MED16: variants seen among roughly 807,000 people sequenced by gnomAD.
MED16 encodes the protein mediator of RNA polymerase II transcription subunit 16.
A neutral mutation model predicts 84.4 loss-of-function variants in MED16; 81 were observed. The ratio of observed to expected loss-of-function variants is 0.96; its 90% confidence interval spans 0.80 to 1.15. MED16 has a LOEUF of 1.15. Among genes scored for constraint, MED16 ranks in the 50% most tolerant of loss-of-function variants. MED16 has a pLI of 0.00. For synonymous variants in MED16, 897 were observed against 552.2 expected (o/e 1.62, Z -8.76); for missense variants, 1,585 against 1,245.9 (o/e 1.27, Z -4.10).
intron 9 of MED16, among the ~76,000 whole-genome samples, chr19:876,589 T>C (rs1278691428): frequency 6.6e-6 from 1 of 152,010 alleles, no homozygotes; most frequent in African/African-American, 2.4e-5. Flanking sequence ...TTCTCTGAGG[T>C]GCAGCTTTCC....
At chr19:883,744 G>A (rs889598694) in intron 6 of MED16, among the ~76,000 whole-genome samples, 1 of 152,158 alleles carries the variant, frequency 6.6e-6, no homozygotes, top group African/African-American at 2.4e-5. Context: ...ACCGGGCAGT[G>A]AAGGTGCAGG....
At chr19:885,073 C>G (rs1439056138) in intron 5 of MED16, 65 bp from the exon 6 acceptor site, 5 of 1,320,172 alleles carry the variant, frequency 3.8e-6, no homozygotes, top group Non-Finnish European at 5.3e-6. Flanking sequence ...ACCACCGGAG[C>G]CTGAGCTGCG....
At chr19:869,556 G>A (rs1490168574) in intron 13 of MED16, among the ~76,000 whole-genome samples, 2 of 152,074 alleles carry the variant, frequency 1.3e-5, no homozygotes, top group Admixed American at 6.6e-5. Context: ...CCAAACCCTC[G>A]TGTGTGACTC....
rs748872432 is a variant in MED16, at chr19:886,055, C to A, written c.594G>T (p.Gln198His). The A allele has an allele frequency of 1.9e-6, 3 of 1,593,336 alleles. No homozygotes were observed. In the South Asian group the frequency reaches 3.3e-5, roughly 18 times the overall value. ...VTVSLLKPSG[Q>H]VLTSTESLCR... Reference sequence around the variant, plus strand: ...ACAGGCTCTCGGTGGACGTCAGCACCTGCCCGCTGGGCTTCAGCAGGGACA... The same window carrying A: ...ACAGGCTCTCGGTGGACGTCAGCACATGCCCGCTGGGCTTCAGCAGGGACA... Residue 198 changes from glutamine (Q) to histidine (H), a missense_variant, in exon 5 of 16, where the codon CAG becomes CAT. Gln to His is a conservative substitution (Grantham distance 24, BLOSUM62 0). Coordinates refer to ENST00000325464, the MANE Select transcript of MED16 (RefSeq NM_005481.3).
At chr19:872,155 G>A in intron 11 of MED16, 37 bp from the exon 12 acceptor site, 8 of 1,557,434 alleles carry the variant, frequency 5.1e-6, no homozygotes, top group Non-Finnish European at 7.0e-6. Flanking sequence ...TGGGGCGGCG[G>A]GGGGCAGATG....
intron 10 of MED16, among the ~76,000 whole-genome samples, chr19:875,000 TAAA>T (rs1345286142): frequency 6.6e-6 from 1 of 151,562 alleles, no homozygotes; most frequent in Non-Finnish European, 1.5e-5. Flanking sequence ...CCGTCTCTAC[TAAA>T]AATACAAAAA....
intron 7 of MED16, among the ~76,000 whole-genome samples, chr19:880,896 G>C (rs1390522876): frequency 6.6e-6 from 1 of 150,914 alleles, no homozygotes; most frequent in Non-Finnish European, 1.5e-5. Flanking sequence ...CTGCACTCCA[G>C]CCTGGGCAAC....
intron 4 of MED16, among the ~76,000 whole-genome samples, chr19:886,698 C>T (rs533153746): frequency 2.6e-5 from 4 of 152,240 alleles, no homozygotes; most frequent in Non-Finnish European, 4.4e-5. Context: ...CTGCTGCGGG[C>T]ACTATTTGAT....
chr19:887,535 G>A (rs934716787), intron 4 of MED16, among the ~76,000 whole-genome samples: 1 of 152,010 alleles, frequency 6.6e-6, no homozygotes, highest in Non-Finnish European at 1.5e-5. Flanking sequence ...GCGCGGTGGT[G>A]CGTGCCTGTA....
At position 889,635 on chromosome 19, in the gene MED16, C is replaced by T. The variant is rs763634772; in HGVS notation, c.447+3G>A. 1.9e-6 allele frequency: 3 copies of T among 1,607,600 alleles called. No individual in the cohort carries two copies. Among genetic ancestry groups the T allele is most frequent in the Non-Finnish European group, 2.6e-6 (3 of 1,175,024 alleles). ...CATCCGCTCACTCGGGCAGGACACTCACCTTCTCCACGTGCAGGGCCAGTT... is the reference window on the plus strand; with the variant it reads ...CATCCGCTCACTCGGGCAGGACACTTACCTTCTCCACGTGCAGGGCCAGTT... On this transcript the variant is annotated splice_donor_region_variant and intron_variant, in intron 4 of 15. Transcript: ENST00000325464.
intron 1 of MED16, among the ~76,000 whole-genome samples, 199 bp from the exon 2 acceptor site, chr19:891,348 C>A (rs1345104508): frequency 1.3e-5 from 2 of 152,138 alleles, no homozygotes; most frequent in Non-Finnish European, 2.9e-5. Context: ...GGCCTGTGGG[C>A]TTCTACTCTC....
intron 10 of MED16, 64 bp downstream of exon 10, chr19:875,176 AAAAT>A (rs1411512144): frequency 3.5e-6 from 4 of 1,133,998 alleles, no homozygotes; most frequent in Non-Finnish European, 4.8e-6. Flanking sequence ...AAGAGTAAAA[AAAAT>A]AAATAAAAAT....
intron 5 of MED16, 27 bp downstream of exon 5, chr19:885,743 C>T (rs779463892): frequency 6.1e-5 from 97 of 1,594,438 alleles, no homozygotes; most frequent in Non-Finnish European, 2.1e-5. Flanking sequence ...AGCCTGCCAG[C>T]CCACGTGATG....
At position 889,621 on chromosome 19, in the gene MED16, TC is replaced by T. The variant is rs1417356781; in HGVS notation, c.447+16del. ...CATCTCATCTGCCTCATCCGCTCAC[TC>T]GGGCAGGACACTCACCTTCTCCACG... On this transcript the variant is annotated intron_variant, in intron 4 of 15. Coordinates refer to ENST00000325464, the MANE Select transcript of MED16 (RefSeq NM_005481.3). 4 of 1,599,050 alleles carry T rather than the reference TC, an allele frequency of 2.5e-6. No homozygotes were observed. Among genetic ancestry groups the T allele is most frequent in the Non-Finnish European group, 3.4e-6 (4 of 1,168,572 alleles).
At chr19:885,282 G>A (rs539032556) in intron 5 of MED16, among the ~76,000 whole-genome samples, 4 of 152,302 alleles carry the variant, frequency 2.6e-5, no homozygotes, top group South Asian at 4.1e-4. Context: ...AGTTTGGGGC[G>A]TTACTGATTC....
intron 8 of MED16, 147 bp from the exon 9 acceptor site, chr19:877,327 T>C (rs1376100460): frequency 6.8e-6 from 5 of 735,036 alleles, no homozygotes; most frequent in South Asian, 1.8e-5. Context: ...CATGTGTCTG[T>C]AGCGTCTGTA....
At chr19:890,446 C>G in intron 2 of MED16, 1 of 471,306 alleles carries the variant, frequency 2.1e-6, no homozygotes, top group Non-Finnish European at 3.7e-6. Flanking sequence ...ACAACTGTGT[C>G]TTTAAAACCA....
At chr19:881,223 C>T (rs1012058338) in intron 7 of MED16, among the ~76,000 whole-genome samples, 1 of 152,230 alleles carries the variant, frequency 6.6e-6, no homozygotes, top group African/African-American at 2.4e-5. Flanking sequence ...CTCAGGACCA[C>T]ATTATGGCTG....
rs1224236155 is a variant in MED16, at chr19:868,228, T to A, written c.2507A>T (p.Asp836Val). 1 of 1,598,676 alleles carries A rather than the reference T, an allele frequency of 6.3e-7. No individual in the cohort carries two copies. Among genetic ancestry groups the A allele is most frequent in the Admixed American group, 1.7e-5 (1 of 57,224 alleles). The change falls in exon 16 of 16, where the codon GAC (aspartate) becomes GTC (valine). Residue 836 changes from aspartate (D) to valine (V), a missense_variant. By Grantham distance (152) the Asp-to-Val change is radical (BLOSUM62 -3). Coordinates refer to ENST00000325464, the MANE Select transcript of MED16 (RefSeq NM_005481.3). Reference protein sequence around the residue: ...NCLAVEGRGPDACVTSRASEE... With the variant: ...NCLAVEGRGPVACVTSRASEE... ...AGAAGCTCTGCTGGTCACGCAGGCG[T>A]CCGGCCCACGGCCTTCAACAGCCCT...
Sources: gnomAD v4.1 joint callset for allele counts (sites outside exome capture counted in the v4.1 genomes callset) on GRCh38, gnomAD v4.1.1 for gene constraint, MANE v1.5 for transcripts, NCBI Gene and HGNC (gene_info 2026-07-23, HGNC 2026-07-21) for gene names.